Variants in ZEB1 observed in about 807,000 individuals in gnomAD.
The protein encoded by ZEB1 is zinc finger E-box-binding homeobox 1.
ZEB1 carries 21 observed loss-of-function variants against 84.9 expected under a neutral mutation model. The observed-to-expected ratio is 0.25, with a 90% confidence interval of 0.18 to 0.36. The LOEUF is 0.36. ZEB1 is among the 10% of genes least tolerant of loss of function. ZEB1 has a pLI of 1.00. For synonymous variants in ZEB1, 420 were observed against 471.1 expected (o/e 0.89, Z 1.41); for missense variants, 1,104 against 1,330.2 (o/e 0.83, Z 2.65).
intron 1 of ZEB1, among the ~76,000 whole-genome samples, chr10:31,356,195 G>A (rs768471024): frequency 3.3e-5 from 5 of 151,902 alleles, no homozygotes; most frequent in South Asian, 4.2e-4. Context: ...AGAAAACATC[G>A]TTCCTTAAAA....
At chr10:31,346,334 G>A (rs2040307011) in intron 1 of ZEB1, among the ~76,000 whole-genome samples, 1 of 152,064 alleles carries the variant, frequency 6.6e-6, no homozygotes, top group Non-Finnish European at 1.5e-5. Flanking sequence ...CAGAATTCTA[G>A]TTACAGAAAC....
intron 1 of ZEB1, among the ~76,000 whole-genome samples, chr10:31,423,811 A>T (rs2056552754): frequency 6.6e-6 from 1 of 150,844 alleles, no homozygotes; most frequent in Admixed American, 6.6e-5. Flanking sequence ...ACTTGTTATC[A>T]GTTGTTCTTC....
chr10:31,319,460 G>A, intron 1 of ZEB1, 168 bp downstream of exon 1: 1 of 662,124 alleles, frequency 1.5e-6, no homozygotes, highest in Non-Finnish European at 2.6e-6. Context: ...CGCTGCCGCC[G>A]CTGCCGGAGC....
At chr10:31,344,585 A>G (rs934200168) in intron 1 of ZEB1, among the ~76,000 whole-genome samples, 2 of 152,152 alleles carry the variant, frequency 1.3e-5, no homozygotes, top group African/African-American at 4.8e-5. Flanking sequence ...AGAAGCTGCC[A>G]ATAGTCATTA....
chr10:31,461,024 G>GTTTGTA lies in ZEB1; in HGVS notation c.59-10_59-5dup. The GTTTGTA allele has an allele frequency of 6.2e-7, 1 of 1,603,640 alleles. No individual in the cohort carries two copies. Among genetic ancestry groups the GTTTGTA allele is most frequent in the Non-Finnish European group, 8.5e-7 (1 of 1,171,538 alleles). On this transcript the variant is annotated splice_polypyrimidine_tract_variant and intron_variant, in intron 1 of 8. Coordinates refer to ENST00000424869, the MANE Select transcript of ZEB1 (RefSeq NM_001174096.2). ...AGTTGGTTTTGATTATTTGTTTCTTGTTTGTATTACAGTTACAAATTATAA... is the reference window on the plus strand; with the variant it reads ...AGTTGGTTTTGATTATTTGTTTCTTGTTTGTATTTGTATTACAGTTACAAATTATAA...
intron 1 of ZEB1, among the ~76,000 whole-genome samples, chr10:31,331,801 G>T (rs938344865): frequency 6.6e-6 from 1 of 152,138 alleles, no homozygotes; most frequent in African/African-American, 2.4e-5. Flanking sequence ...GTCACGTTTG[G>T]TAAAACTGTA....
intron 2 of ZEB1, among the ~76,000 whole-genome samples, chr10:31,470,126 A>G (rs529164169): frequency 6.8e-4 from 104 of 152,336 alleles, no homozygotes; most frequent in African/African-American, 2.4e-3. Context: ...AACAGAACAG[A>G]AAAAGTGGAA....
intron 1 of ZEB1, among the ~76,000 whole-genome samples, chr10:31,360,246 G>T (rs1590266933): frequency 6.6e-6 from 1 of 152,244 alleles, no homozygotes; most frequent in East Asian, 1.9e-4. Flanking sequence ...TTGTAAGAAG[G>T]ATGAGCTTAG....
intron 3 of ZEB1, among the ~76,000 whole-genome samples, chr10:31,499,520 G>A (rs1295814786): frequency 2.0e-5 from 3 of 151,874 alleles, no homozygotes; most frequent in Non-Finnish European, 4.4e-5. Flanking sequence ...GCATTTTTTC[G>A]TTTTTTGAAC....
chr10:31,324,211 A>G (rs1051413122), intron 1 of ZEB1, among the ~76,000 whole-genome samples: 2 of 152,042 alleles, frequency 1.3e-5, no homozygotes, highest in Admixed American at 6.5e-5. Flanking sequence ...TATAAAAAGC[A>G]TGTGAAATAT....
intron 2 of ZEB1, 79 bp from the exon 3 acceptor site, chr10:31,495,697 T>G: frequency 6.9e-7 from 1 of 1,456,752 alleles, no homozygotes; most frequent in Admixed American, 1.7e-5. Context: ...GTAATTGGGA[T>G]ATCCAAAACT....
chr10:31,448,495 T>C (rs1200799546), intron 1 of ZEB1, among the ~76,000 whole-genome samples: 4 of 150,192 alleles, frequency 2.7e-5, no homozygotes, highest in Admixed American at 2.6e-4. Flanking sequence ...CACTCTGCGT[T>C]TTAGAGTTTC....
chr10:31,384,783 T>C (rs1352341962), intron 1 of ZEB1, among the ~76,000 whole-genome samples: 1 of 152,198 alleles, frequency 6.6e-6, no homozygotes, highest in Non-Finnish European at 1.5e-5. Context: ...AAGTTTCTAG[T>C]CAGTTCCTCT....
chr10:31,396,932 C>T (rs564330756), intron 1 of ZEB1, among the ~76,000 whole-genome samples: 1 of 151,872 alleles, frequency 6.6e-6, no homozygotes, highest in South Asian at 2.1e-4. Flanking sequence ...GATCCATTGC[C>T]TTTATGAGTA....
intron 3 of ZEB1, among the ~76,000 whole-genome samples, chr10:31,498,754 CT>C (rs1174150163): frequency 6.6e-6 from 1 of 151,848 alleles, no homozygotes; most frequent in African/African-American, 2.4e-5. Context: ...TACCTATTAT[CT>C]TTTTTAAAAA....
rs1289642724 is a variant in ZEB1, at chr10:31,527,131, A to C, written c.3245A>C (p.Glu1082Ala). 6 of 1,607,686 alleles carry C rather than the reference A, an allele frequency of 3.7e-6. No individual in the cohort carries two copies. Among genetic ancestry groups the C allele is most frequent in the East Asian group, 4.5e-5 (2 of 44,234 alleles). Residue 1082 changes from glutamate to alanine, a missense_variant, in exon 9 of 9, where the codon GAG becomes GCG. Transcript: ENST00000424869. ...EVEEEEVEEAENEGEEAKTEG... is the reference protein window; with the variant it reads ...EVEEEEVEEAANEGEEAKTEG... Reference sequence around the variant, plus strand: ...GAAGAAGAAGAGGTAGAAGAGGCAGAGAATGAGGGAGAAGAAGCAAAAACT... The same window carrying C: ...GAAGAAGAAGAGGTAGAAGAGGCAGCGAATGAGGGAGAAGAAGCAAAAACT...
At chr10:31,483,330 G>C (rs891073305) in intron 2 of ZEB1, among the ~76,000 whole-genome samples, 1 of 151,970 alleles carries the variant, frequency 6.6e-6, no homozygotes, top group Admixed American at 6.6e-5. Context: ...ATGAGGCTCA[G>C]ACAGGTTAAA....
At chr10:31,348,007 A>T (rs1437341694) in intron 1 of ZEB1, among the ~76,000 whole-genome samples, 2 of 152,338 alleles carry the variant, frequency 1.3e-5, no homozygotes, top group East Asian at 3.9e-4. Context: ...TGTGCCACAT[A>T]CTAGTTGTAG....
intron 2 of ZEB1, among the ~76,000 whole-genome samples, chr10:31,490,929 G>T (rs1254118350): frequency 6.6e-6 from 1 of 151,692 alleles, no homozygotes; most frequent in African/African-American, 2.4e-5. Context: ...TCCACAACTG[G>T]TTCACTTTTC....
Sources: gnomAD v4.1 joint callset for allele counts (sites outside exome capture counted in the v4.1 genomes callset) on GRCh38, gnomAD v4.1.1 for gene constraint, MANE v1.5 for transcripts, NCBI Gene and HGNC (gene_info 2026-07-23, HGNC 2026-07-21) for gene names.